Variants in C1orf167 observed in about 807,000 individuals in gnomAD.
C1orf167 encodes the protein uncharacterized protein C1orf167.
Under a neutral mutation model 176.5 loss-of-function variants are expected in C1orf167, and 153 were observed. The observed-to-expected ratio is 0.87, with a 90% CI of 0.76 to 0.99. C1orf167 has a LOEUF of 0.99. C1orf167 is among the 50% of genes least tolerant of loss of function. The probability of loss-of-function intolerance (pLI) is 0.00; values close to 1 mark genes in which losing one functional copy is unlikely to be tolerated. For synonymous variants in C1orf167, 594 were observed against 752.7 expected (o/e 0.79, Z 3.45); for missense variants, 1,490 against 1,817.7 (o/e 0.82, Z 3.28).
In C1orf167 at chr1:11,772,157, C is replaced by T; in HGVS notation, c.1886C>T (p.Thr629Ile). 1 of 1,304,338 alleles carries T rather than the reference C, an allele frequency of 7.7e-7. No individual in the cohort carries two copies. The highest frequency in any genetic ancestry group is 1.0e-6 in the Non-Finnish European group (1 of 988,950). The allele number at this position is 1,304,338 out of a possible 1,614,324, so 80.8% of individuals were successfully genotyped here. A position where few individuals can be genotyped will look rare whatever the true frequency, so the allele number is the denominator to read the frequency against. ...ACTCTGCGGAAGGCCACCAGGGCCA[C>T]ACAGAGGACAGGGAGCTTCCCCCAG... ...RETLRKATRATQRTGSFPQAW... is the reference protein window; with the variant it reads ...RETLRKATRAIQRTGSFPQAW... Residue 629 changes from threonine (T) to isoleucine (I), a missense_variant, in exon 8 of 21, where the codon ACA becomes ATA. Thr to Ile is a moderately conservative substitution (Grantham distance 89, BLOSUM62 -1). Coordinates refer to ENST00000688073, the MANE Select transcript of C1orf167 (RefSeq NM_001010881.2).
In C1orf167 at chr1:11,779,477, G is replaced by A. The variant is rs564971269; in HGVS notation, c.2652-325G>A. 4.4e-5 allele frequency: 10 copies of A among 226,332 alleles called. No individual in the cohort carries two copies. The South Asian group carries it at 6.2e-4, about 14-fold the overall frequency. 14.0% of individuals were successfully genotyped at this position (226,332 alleles called of 1,614,324 possible). ...GTACTGGCTCCAGTGGGGCAATGGC[G>A]AGGCACGGCACATACATTCCCCAAT... is the stretch of plus-strand genomic sequence containing the variant. On this transcript the variant is annotated intron_variant, in intron 12 of 20. Transcript: ENST00000688073.
chr1:11,788,485 T>C, intron 19 of C1orf167, 107 bp downstream of exon 19: 1 of 1,157,626 alleles, frequency 8.6e-7, no homozygotes, highest in Non-Finnish European at 1.1e-6. Flanking sequence ...CTCCAAAACC[T>C]TGGGGGACAG....
rs369011769 is a variant in C1orf167, at chr1:11,784,399, G to A, written c.3231G>A (p.Lys1077=). Residue 1077 remains lysine, a synonymous_variant, in exon 15 of 21, where the codon AAG becomes AAA. Coordinates refer to ENST00000688073, the MANE Select transcript of C1orf167 (RefSeq NM_001010881.2). ...GQQGQEDGQQ[K]KARAPQAFPA... ...AAGGCCAGGAAGATGGGCAGCAGAA[G>A]AAGGCCCGGGCCCCACAGGCCTTCC... 2.8e-5 allele frequency: 36 copies of A among 1,303,966 alleles called. 5 individuals carry two copies. The highest frequency in any genetic ancestry group is 1.8e-4 in the Admixed American group (8 of 43,574). 80.8% of individuals were successfully genotyped at this position (1,303,966 alleles called of 1,614,324 possible). A position where few individuals can be genotyped will look rare whatever the true frequency, so the allele number is the denominator to read the frequency against.
At chr1:11,783,309 G>A (rs1233005149) in intron 14 of C1orf167, among the ~76,000 whole-genome samples, 5 of 152,074 alleles carry the variant, frequency 3.3e-5, no homozygotes, top group Non-Finnish European at 7.4e-5. Flanking sequence ...GTGCAATGGC[G>A]CGATCTCGGC....
At chr1:11,788,523 C>T in intron 19 of C1orf167, 129 bp from the exon 20 acceptor site, 1 of 1,107,532 alleles carries the variant, frequency 9.0e-7, no homozygotes, top group Non-Finnish European at 1.2e-6. Flanking sequence ...CTTAATACTC[C>T]TCAGATGACA....
chr1:11,779,633 G>C, intron 12 of C1orf167, 169 bp from the exon 13 acceptor site: 1 of 399,584 alleles, frequency 2.5e-6, no homozygotes, highest in East Asian at 7.5e-5. Flanking sequence ...CCCTGGGAGA[G>C]GTGCTTGGCC....
At chr1:11,765,086 C>T (rs1441586628) in intron 2 of C1orf167, among the ~76,000 whole-genome samples, 1 of 148,758 alleles carries the variant, frequency 6.7e-6, no homozygotes, top group Non-Finnish European at 1.5e-5. Flanking sequence ...AAGAAAGCCA[C>T]AGAGCTGGGC....
chr1:11,787,719 A>G, intron 17 of C1orf167, 154 bp from the exon 18 acceptor site: 1 of 1,092,356 alleles, frequency 9.2e-7, no homozygotes, highest in South Asian at 1.7e-5. Flanking sequence ...CAGCCGGGAG[A>G]GGCTGGAGGC....
At position 11,772,254 on chromosome 1, in the gene C1orf167, G is replaced by C. The variant is rs10779764; in HGVS notation, c.1983G>C (p.Leu661=). The C allele has an allele frequency of 0.6, 776,839 of 1,301,692 alleles. 235,615 individuals carry two copies. The highest frequency in any genetic ancestry group is 0.77 in the East Asian group (13,853 of 17,974). The allele number at this position is 1,301,692 out of a possible 1,614,324, so 80.6% of individuals were successfully genotyped here. A position where few individuals can be genotyped will look rare whatever the true frequency, so the allele number is the denominator to read the frequency against. Residue 661 remains leucine, a synonymous_variant, in exon 8 of 21, where the codon CTG becomes CTC. Coordinates refer to ENST00000688073, the MANE Select transcript of C1orf167 (RefSeq NM_001010881.2). ...GCCCCCAGCACCAGAGAGCTTGGCT[G>C]TGCAGGTAGGATGCCCTTCCCTTTT... is the stretch of plus-strand genomic sequence containing the variant. The part of the protein sequence containing the change: ...PLSPQHQRAW[L]CRCFGAWQQF...
In C1orf167 at chr1:11,767,276, G is replaced by T; in HGVS notation, c.1343+12G>T. 7.8e-7 allele frequency: 1 copy of T among 1,287,764 alleles called. No individual in the cohort carries two copies. The highest frequency in any genetic ancestry group is 1.2e-5 in the South Asian group (1 of 80,990). The allele number at this position is 1,287,764 out of a possible 1,614,324, so 79.8% of individuals were successfully genotyped here. A position where few individuals can be genotyped will look rare whatever the true frequency, so the allele number is the denominator to read the frequency against. ...TCTGAGGCAATCTGGTGAGGCCATG[G>T]CTGGGTGGGGACAGGGGTTGGAGTT... On this transcript the variant is annotated intron_variant, in intron 4 of 20. Coordinates refer to ENST00000688073, the MANE Select transcript of C1orf167 (RefSeq NM_001010881.2).
In C1orf167 at chr1:11,780,126, G is replaced by A. The variant is rs144111677; in HGVS notation, c.2860+116G>A. 727 of 772,236 alleles carry A rather than the reference G, an allele frequency of 9.4e-4. 5 individuals are homozygous for A. In the African/African-American group the frequency reaches 0.012, roughly 13 times the overall value. 47.8% of individuals were successfully genotyped at this position (772,236 alleles called of 1,614,324 possible). Reference sequence around the variant, plus strand: ...CTGTAACCGCATGGGAGAACTTGAGGCAGAGGCTAAGCTACATCTGGACTC... The same window carrying A: ...CTGTAACCGCATGGGAGAACTTGAGACAGAGGCTAAGCTACATCTGGACTC... On this transcript the variant is annotated intron_variant, in intron 13 of 20. Transcript: ENST00000688073.
intron 13 of C1orf167, among the ~76,000 whole-genome samples, chr1:11,781,779 G>C (rs1033856356): frequency 1.3e-5 from 2 of 152,004 alleles, no homozygotes; most frequent in Admixed American, 6.6e-5. Flanking sequence ...GCGTGGTAGT[G>C]TGCGCCTGTA....
chr1:11,787,285 C>A, intron 16 of C1orf167, 103 bp from the exon 17 acceptor site: 3 of 502,668 alleles, frequency 6.0e-6, no homozygotes, highest in Non-Finnish European at 9.0e-6. Flanking sequence ...GTGGAAGAGG[C>A]CGGGATGTGT....
chr1:11,766,420 G>C lies in C1orf167; in HGVS notation c.634G>C (p.Val212Leu). Reference sequence around the variant, plus strand: ...TCTGGGGAGCTGGAGGTCCAGGCTGGTGGGGGAACCTCTCACCCTGGAGGA... The same window carrying C: ...TCTGGGGAGCTGGAGGTCCAGGCTGCTGGGGGAACCTCTCACCCTGGAGGA... ...GGLGSWRSRLVGEPLTLEDLA... is the reference protein window; with the variant it reads ...GGLGSWRSRLLGEPLTLEDLA... Residue 212 changes from valine to leucine, a missense_variant, in exon 3 of 21, where the codon GTG becomes CTG. By Grantham distance (32) the Val-to-Leu change is conservative. Coordinates refer to ENST00000688073, the MANE Select transcript of C1orf167 (RefSeq NM_001010881.2). The surrounding 1 kb of genome is among the most constrained non-coding windows in gnomAD (Gnocchi z 4.5). The C allele has an allele frequency of 7.8e-7, 1 of 1,282,318 alleles. No homozygotes were observed. Among genetic ancestry groups the C allele is most frequent in the Non-Finnish European group, 1.0e-6 (1 of 985,072 alleles). 79.4% of individuals were successfully genotyped at this position (1,282,318 alleles called of 1,614,324 possible). A position where few individuals can be genotyped will look rare whatever the true frequency, so the allele number is the denominator to read the frequency against.
rs914362820 is a variant in C1orf167, at chr1:11,778,586, G to C, written c.2340-74G>C. On this transcript the variant is annotated intron_variant, in intron 10 of 20. Coordinates refer to ENST00000688073, the MANE Select transcript of C1orf167 (RefSeq NM_001010881.2). Reference sequence around the variant, plus strand: ...ATCTCTTTCACAGCGGCCAGGGTAGGGTAGCCCCTGCTTGGCCACCCTGCA... The same window carrying C: ...ATCTCTTTCACAGCGGCCAGGGTAGCGTAGCCCCTGCTTGGCCACCCTGCA... The C allele has an allele frequency of 5.8e-6, 7 of 1,200,370 alleles. No individual in the cohort carries two copies. In the Admixed American group the frequency reaches 1.1e-4, roughly 19 times the overall value. The allele number at this position is 1,200,370 out of a possible 1,614,324, so 74.4% of individuals were successfully genotyped here. A position where few individuals can be genotyped will look rare whatever the true frequency, so the allele number is the denominator to read the frequency against.
At chr1:11,779,175 T>C in intron 12 of C1orf167, 95 bp downstream of exon 12, 1 of 1,131,486 alleles carries the variant, frequency 8.8e-7, no homozygotes, top group South Asian at 1.6e-5. Flanking sequence ...CAGCAGCCCC[T>C]TGGGGTCTGC....
Position 11,766,097 on chromosome 1 carries a change from T to C in C1orf167, c.311T>C (p.Leu104Pro). Reference sequence around the variant, plus strand: ...TCAAGCTTCTGGCAACAGAGCAACCTGCAGTCCCTGGCCAGGAGGCGCCAA... The same window carrying C: ...TCAAGCTTCTGGCAACAGAGCAACCCGCAGTCCCTGGCCAGGAGGCGCCAA... ...VNSSFWQQSN[L>P]QSLARRRQGK... is the part of the protein sequence containing the mutation. Residue 104 changes from leucine (L) to proline (P), a missense_variant, in exon 3 of 21, where the codon CTG (leucine) becomes CCG (proline). Coordinates refer to ENST00000688073, the MANE Select transcript of C1orf167 (RefSeq NM_001010881.2). This position sits in a 1 kb window ranked among gnomAD's most constrained non-coding sequence, Gnocchi z 4.5. 1 of 1,289,858 alleles carries C rather than the reference T, an allele frequency of 7.8e-7. No individual in the cohort carries two copies. The highest frequency in any genetic ancestry group is 1.2e-5 in the South Asian group (1 of 81,032). The allele number at this position is 1,289,858 out of a possible 1,614,324, so 79.9% of individuals were successfully genotyped here.
intron 9 of C1orf167, 112 bp downstream of exon 9, chr1:11,775,722 C>T: frequency 8.3e-7 from 1 of 1,199,280 alleles, no homozygotes; most frequent in Non-Finnish European, 1.1e-6. Flanking sequence ...CTGGGGCTTT[C>T]TAGGAGGGCA....
Position 11,784,085 on chromosome 1 carries a change from C to T in C1orf167, c.3006-89C>T. 3.5e-6 allele frequency: 4 copies of T among 1,147,914 alleles called. No homozygotes were observed. The South Asian group carries it at 6.3e-5, about 18-fold the overall frequency. The allele number at this position is 1,147,914 out of a possible 1,614,324, so 71.1% of individuals were successfully genotyped here. A position where few individuals can be genotyped will look rare whatever the true frequency, so the allele number is the denominator to read the frequency against. On this transcript the variant is annotated intron_variant, in intron 14 of 20. Transcript: ENST00000688073. ...GTTGGTCAGGCTGGTCTCAAACTGA[C>T]TTCAGGTGATCCACTCACCTTGGCT...
Sources: allele counts gnomAD v4.1 joint callset (sites outside exome capture counted in the v4.1 genomes callset), GRCh38; gene constraint gnomAD v4.1.1; non-coding constraint Gnocchi (gnomAD v3.1); transcripts MANE v1.5; gene names NCBI Gene and HGNC (gene_info 2026-07-23, HGNC 2026-07-21).